Variants in ACAP2 observed in about 807,000 individuals in gnomAD.
The protein encoded by ACAP2 is ArfGAP with coiled-coil, ankyrin repeat and PH domains 2, also known as arf-GAP with coiled-coil, ANK repeat and PH domain-containing protein 2.
In ACAP2, 39 loss-of-function variants were observed where a neutral mutation model predicts 115.8. That is an observed-to-expected ratio of 0.34 (90% CI 0.26 to 0.44). The LOEUF is 0.44. Ranked by LOEUF, ACAP2 falls within the 20% of genes least tolerant of loss-of-function variation. The pLI is 1.00. For synonymous variants in ACAP2, 289 were observed against 315.8 expected, an observed-to-expected ratio of 0.92 and a Z score of 0.90; for missense variants, 662 against 927.6, an observed-to-expected ratio of 0.71 and a Z score of 3.72.
At chr3:195,297,057 T>C (rs986982045) in intron 16 of ACAP2, 133 bp downstream of exon 16, 24 of 709,698 alleles carry the variant, frequency 3.4e-5, no homozygotes, top group Non-Finnish European at 4.4e-5. Context: ...AAGAAAGAGA[T>C]AGCCAACATT....
chr3:195,405,134 T>TA (rs57536389), intron 1 of ACAP2, among the ~76,000 whole-genome samples: 36,424 of 151,924 alleles, frequency 0.24, 5,091 homozygotes, highest in East Asian at 0.71. Context: ...CTCCTACAAA[T>TA]ACAAGGACTG....
intron 1 of ACAP2, among the ~76,000 whole-genome samples, chr3:195,417,070 C>T (rs62288439): frequency 6.7e-6 from 1 of 149,380 alleles, no homozygotes; most frequent in Admixed American, 6.7e-5. Context: ...CATCACAATG[C>T]CTGGCTAATT....
intron 1 of ACAP2, among the ~76,000 whole-genome samples, chr3:195,428,188 C>T (rs984576940): frequency 1.3e-5 from 2 of 150,976 alleles, no homozygotes; most frequent in African/African-American, 4.9e-5. Context: ...TATATATATA[C>T]ATACATGTAT....
At chr3:195,390,941 GCAAA>G (rs1201120726) in intron 2 of ACAP2, among the ~76,000 whole-genome samples, 1 of 152,054 alleles carries the variant, frequency 6.6e-6, no homozygotes, top group Non-Finnish European at 1.5e-5. Flanking sequence ...CTACTATATA[GCAAA>G]CAGTGTTTCT....
intron 4 of ACAP2, among the ~76,000 whole-genome samples, chr3:195,360,569 G>A (rs1335846394): frequency 6.6e-6 from 1 of 152,162 alleles, no homozygotes; most frequent in Non-Finnish European, 1.5e-5. Context: ...GCCAAGGCGG[G>A]CGATCACCTG....
chr3:195,320,631 G>T, intron 10 of ACAP2, 70 bp downstream of exon 10: 1 of 1,129,088 alleles, frequency 8.9e-7, no homozygotes, highest in Non-Finnish European at 1.3e-6. Context: ...GGAGAGAGTT[G>T]TCAAATCACA....
chr3:195,340,450 C>A (rs1418771348), intron 6 of ACAP2, among the ~76,000 whole-genome samples: 1 of 151,806 alleles, frequency 6.6e-6, no homozygotes, highest in African/African-American at 2.4e-5. Context: ...GGTGGTGATT[C>A]AAGCAAGGGG....
At chr3:195,287,233 A>C (rs962863875) in intron 21 of ACAP2, among the ~76,000 whole-genome samples, 1 of 152,244 alleles carries the variant, frequency 6.6e-6, no homozygotes, top group African/African-American at 2.4e-5. Flanking sequence ...CTACATAATA[A>C]GGTATCGGTG....
chr3:195,336,255 A>AG (rs1730502984), intron 7 of ACAP2: 1 of 151,796 alleles, frequency 6.6e-6, no homozygotes, highest in African/African-American at 2.4e-5. Context: ...AAAAAAAAAA[A>AG]AATTCATTGT....
At chr3:195,411,213 G>A (rs1713233228) in intron 1 of ACAP2, among the ~76,000 whole-genome samples, 1 of 152,158 alleles carries the variant, frequency 6.6e-6, no homozygotes, top group African/African-American at 2.4e-5. Context: ...ATTGTGGAAA[G>A]TACTATGGCA....
intron 4 of ACAP2, among the ~76,000 whole-genome samples, chr3:195,371,496 G>A (rs1271882600): frequency 6.6e-6 from 1 of 152,132 alleles, no homozygotes; most frequent in Non-Finnish European, 1.5e-5. Context: ...CAAGTCATCT[G>A]CAAACAGTGA....
chr3:195,434,865 C>A (rs934861869), intron 1 of ACAP2, among the ~76,000 whole-genome samples: 1 of 152,104 alleles, frequency 6.6e-6, no homozygotes, highest in Non-Finnish European at 1.5e-5. Flanking sequence ...TTAATGTCAT[C>A]AATTATCTGT....
At chr3:195,365,567 T>TAA (rs895371151) in intron 4 of ACAP2, among the ~76,000 whole-genome samples, 10 of 141,900 alleles carry the variant, frequency 7.0e-5, no homozygotes, top group Middle Eastern at 3.6e-3. Context: ...ACCTTGTCTC[T>TAA]AAAAAAAAAA....
intron 4 of ACAP2, among the ~76,000 whole-genome samples, chr3:195,347,833 C>T (rs1731281988): frequency 6.6e-6 from 1 of 151,874 alleles, no homozygotes; most frequent in African/African-American, 2.4e-5. Flanking sequence ...CATGGCAAGA[C>T]CCATCTCTCT....
chr3:195,430,059 A>G (rs1714999710), intron 1 of ACAP2, among the ~76,000 whole-genome samples: 1 of 152,234 alleles, frequency 6.6e-6, no homozygotes, highest in Admixed American at 6.5e-5. Flanking sequence ...CAACAAATTC[A>G]GGTTAGAAAG....
chr3:195,328,948 C>T (rs4677827), intron 8 of ACAP2, among the ~76,000 whole-genome samples: 36,584 of 151,700 alleles, frequency 0.24, 5,215 homozygotes, highest in East Asian at 0.74. Flanking sequence ...GGCGTGGTGG[C>T]GGGCGCCTGT....
rs1011824288 is a variant in ACAP2 at position 195,327,225 on chromosome 3, G to C, written c.670-266C>G. Among the ~76,000 whole-genome samples, 5 of 152,132 alleles carry C rather than the reference G, an allele frequency of 3.3e-5. 1 individual carries two copies. The highest frequency in any genetic ancestry group is 1.3e-4 in the Admixed American group (2 of 15,264). Reference sequence around the variant, plus strand: ...ATATACGATTGCAGACCGTGTCACAGGTACCCCAGTGATACACGTTCAATC... The same window carrying C: ...ATATACGATTGCAGACCGTGTCACACGTACCCCAGTGATACACGTTCAATC... On this transcript the variant is annotated intron_variant, in intron 8 of 22. Transcript: ENST00000326793.
intron 1 of ACAP2, among the ~76,000 whole-genome samples, chr3:195,433,497 A>T (rs1249787852): frequency 6.6e-6 from 1 of 152,172 alleles, no homozygotes; most frequent in Non-Finnish European, 1.5e-5. Flanking sequence ...TGTTGAACAG[A>T]AGTGGTGACA....
At chr3:195,366,322 TTC>T (rs935600393) in intron 4 of ACAP2, among the ~76,000 whole-genome samples, 3 of 152,374 alleles carry the variant, frequency 2.0e-5, no homozygotes, top group Non-Finnish European at 2.9e-5. Context: ...TGCCAGATGA[TTC>T]TGTTATACAA....
Sources: allele counts gnomAD v4.1 joint callset (sites outside exome capture counted in the v4.1 genomes callset), GRCh38; gene constraint gnomAD v4.1.1; transcripts MANE v1.5; gene names NCBI Gene and HGNC (gene_info 2026-07-23, HGNC 2026-07-21).